The following NTRK2 variants were observed in gnomAD, a reference collection of about 807,000 sequenced individuals.
NTRK2 encodes the protein neurotrophic receptor tyrosine kinase 2.
NTRK2 carries 13 observed loss-of-function variants against 94.5 expected under a neutral mutation model. That is an observed-to-expected ratio of 0.14 (90% CI 0.09 to 0.22). The LOEUF is 0.22. Among genes scored for constraint, NTRK2 ranks in the 10% least tolerant of loss-of-function variants. The pLI, the probability that NTRK2 is intolerant of heterozygous loss-of-function variation, is 1.00. For synonymous variants in NTRK2, 372 were observed against 407.4 expected (o/e 0.91, Z 1.05); for missense variants, 639 against 1,071.2 (o/e 0.60, Z 5.63).
intron 12 of NTRK2, among the ~76,000 whole-genome samples, chr9:84,800,653 A>T (rs1445849265): frequency 6.6e-6 from 1 of 152,142 alleles, no homozygotes; most frequent in Admixed American, 6.5e-5. Context: ...CAGTTCTCAG[A>T]CCCTTTCTAC....
intron 12 of NTRK2, among the ~76,000 whole-genome samples, chr9:84,843,721 C>T (rs559393790): frequency 6.6e-6 from 1 of 152,198 alleles, no homozygotes; most frequent in Admixed American, 6.5e-5. Flanking sequence ...ATGCTATGCA[C>T]TATGTAGAAT....
intron 17 of NTRK2, among the ~76,000 whole-genome samples, chr9:84,975,042 G>A (rs1826651399): frequency 6.6e-6 from 1 of 152,126 alleles, no homozygotes; most frequent in Non-Finnish European, 1.5e-5. Context: ...CATTGCCCTC[G>A]GCGGCTCTGG....
chr9:84,792,157 G>A (rs2068803048), intron 12 of NTRK2, among the ~76,000 whole-genome samples: 1 of 152,164 alleles, frequency 6.6e-6, no homozygotes, highest in Non-Finnish European at 1.5e-5. Flanking sequence ...AATTATAACT[G>A]TTTAATGAGG....
intron 14 of NTRK2, among the ~76,000 whole-genome samples, chr9:84,880,881 T>C (rs546893021): frequency 6.6e-5 from 10 of 152,348 alleles, no homozygotes; most frequent in African/African-American, 2.4e-4. Flanking sequence ...GAAAAAACCA[T>C]AGTTTGGAGT....
intron 17 of NTRK2, among the ~76,000 whole-genome samples, chr9:85,013,107 A>G (rs1284626859): frequency 6.6e-6 from 1 of 152,124 alleles, no homozygotes; most frequent in African/African-American, 2.4e-5. Flanking sequence ...ACCTGCCCTG[A>G]GCTGTGTTCA....
chr9:84,988,353 A>C (rs1048644865), intron 17 of NTRK2, among the ~76,000 whole-genome samples: 1 of 152,208 alleles, frequency 6.6e-6, no homozygotes, highest in African/African-American at 2.4e-5. Context: ...AGGTGATCTC[A>C]TGTAAACCCA....
At chr9:84,897,500 G>A (rs1240298311) in intron 14 of NTRK2, among the ~76,000 whole-genome samples, 1 of 152,186 alleles carries the variant, frequency 6.6e-6, no homozygotes, top group Non-Finnish European at 1.5e-5. Context: ...GTGTTGCTGT[G>A]ACATTTTTAT....
At chr9:84,879,523 G>A (rs1370913442) in intron 14 of NTRK2, among the ~76,000 whole-genome samples, 2 of 152,100 alleles carry the variant, frequency 1.3e-5, no homozygotes, top group African/African-American at 4.8e-5. Context: ...AGGCCCCATG[G>A]ATTGTATTTT....
intron 12 of NTRK2, among the ~76,000 whole-genome samples, chr9:84,787,831 G>C (rs561617664): frequency 1.2e-4 from 18 of 152,248 alleles, no homozygotes; most frequent in African/African-American, 3.9e-4. Context: ...ATAGTGTATG[G>C]AGAGGTGATC....
intron 16 of NTRK2, among the ~76,000 whole-genome samples, chr9:84,952,505 A>G (rs1456685228): frequency 1.3e-5 from 2 of 152,046 alleles, no homozygotes; most frequent in Non-Finnish European, 2.9e-5. Context: ...ATGTGTTTTG[A>G]TTTCTAAGAC....
At chr9:85,019,378 G>T (rs544390987) in intron 17 of NTRK2, among the ~76,000 whole-genome samples, 40 of 152,232 alleles carry the variant, frequency 2.6e-4, no homozygotes, top group Admixed American at 3.9e-4. Context: ...ATCTGTTCAT[G>T]GGTTTGAAAT....
intron 2 of NTRK2, among the ~76,000 whole-genome samples, chr9:84,676,254 G>A (rs2059044929): frequency 2.0e-5 from 3 of 152,102 alleles, no homozygotes; most frequent in South Asian, 2.1e-4. Context: ...CTGAAGCCTC[G>A]GTCACGGAGA....
At chr9:84,828,707 A>C (rs1033512479) in intron 12 of NTRK2, among the ~76,000 whole-genome samples, 2 of 152,244 alleles carry the variant, frequency 1.3e-5, no homozygotes, top group African/African-American at 4.8e-5. Flanking sequence ...GGAAGAAAGA[A>C]AATGTCTGTA....
intron 2 of NTRK2, among the ~76,000 whole-genome samples, chr9:84,684,390 C>G (rs2059584741): frequency 6.6e-6 from 1 of 152,102 alleles, no homozygotes; most frequent in Non-Finnish European, 1.5e-5. Context: ...AGGAAGGAGT[C>G]CAGTTTCAAT....
intron 17 of NTRK2, among the ~76,000 whole-genome samples, chr9:84,967,912 T>C (rs984430): frequency 0.82 from 124,168 of 152,176 alleles, 50,716 homozygotes; most frequent in South Asian, 0.85. Flanking sequence ...GCAGCTACCA[T>C]GGGGGCTTAA....
In NTRK2 at chr9:84,670,955, C is replaced by G. The variant is rs200474896; in HGVS notation, c.207C>G (p.Thr69=). ...EPNSVDPENI[T]EIFIANQKRL... ...ACAGTGTAGATCCTGAGAACATCAC[C>G]GAAATGTGAGTTCCTGGAGCTTTTC... The change falls in exon 2 of 19, where the codon ACC becomes ACG. Residue 69 remains threonine (T), a synonymous_variant. Coordinates refer to ENST00000277120, the MANE Select transcript of NTRK2 (RefSeq NM_006180.6). 2 of 1,586,600 alleles carry G rather than the reference C, an allele frequency of 1.3e-6. No homozygotes were observed. Among genetic ancestry groups the G allele is most frequent in the Non-Finnish European group, 1.7e-6 (2 of 1,172,380 alleles).
chr9:84,745,206 G>T, intron 11 of NTRK2, 133 bp downstream of exon 11: 2 of 733,320 alleles, frequency 2.7e-6, no homozygotes, highest in South Asian at 3.0e-5. Flanking sequence ...TAGGTTGGAA[G>T]AATTAATAAA....
chr9:84,862,130 G>A (rs761611115), intron 13 of NTRK2, among the ~76,000 whole-genome samples: 1 of 152,170 alleles, frequency 6.6e-6, no homozygotes, highest in Non-Finnish European at 1.5e-5. Context: ...TGGATTCCAA[G>A]GTTAAAGTTC....
intron 14 of NTRK2, among the ~76,000 whole-genome samples, chr9:84,881,382 T>A (rs1253646581): frequency 6.6e-6 from 1 of 152,134 alleles, no homozygotes; most frequent in Admixed American, 6.5e-5. Context: ...GGAAGTCACG[T>A]CTCACCAGGA....
Sources: gnomAD v4.1 joint callset for allele counts (sites outside exome capture counted in the v4.1 genomes callset) on GRCh38, gnomAD v4.1.1 for gene constraint, MANE v1.5 for transcripts, NCBI Gene and HGNC (gene_info 2026-07-23, HGNC 2026-07-21) for gene names.